Variants in GRM8 observed in about 807,000 individuals in gnomAD.
The protein encoded by GRM8 is metabotropic glutamate receptor 8.
In GRM8, 47 loss-of-function variants were observed where a neutral mutation model predicts 87.2. That is an observed-to-expected ratio of 0.54 (90% CI 0.43 to 0.69). GRM8 has a LOEUF of 0.69. Ranked by LOEUF, GRM8 falls within the 30% of genes least tolerant of loss-of-function variation. GRM8 has a pLI of 0.00. For missense variants in GRM8, 1,019 were observed against 1,139.2 expected (o/e 0.89, Z 1.52); for synonymous variants, 396 against 404.5 (o/e 0.98, Z 0.25).
chr7:126,676,032 C>G (rs1402902161), intron 7 of GRM8, among the ~76,000 whole-genome samples: 1 of 152,166 alleles, frequency 6.6e-6, no homozygotes, highest in Non-Finnish European at 1.5e-5. Flanking sequence ...GATAAATTCA[C>G]TGAAGTCTCA....
intron 6 of GRM8, among the ~76,000 whole-genome samples, chr7:126,841,154 T>C (rs950036326): frequency 5.9e-5 from 9 of 152,194 alleles, no homozygotes; most frequent in Non-Finnish European, 1.3e-4. Flanking sequence ...ACCCCCAAAT[T>C]TTGTGGCTTA....
At chr7:127,053,798 A>AGG (rs33927872) in intron 3 of GRM8, among the ~76,000 whole-genome samples, 50,246 of 103,522 alleles carry the variant, frequency 0.49, 13,670 homozygotes, top group Non-Finnish European at 0.57. Flanking sequence ...AAAAAAAAAA[A>AGG]GGGGGGGGGG....
At chr7:126,913,821 T>C (rs1293632594) in intron 3 of GRM8, among the ~76,000 whole-genome samples, 1 of 152,242 alleles carries the variant, frequency 6.6e-6, no homozygotes, top group East Asian at 1.9e-4. Flanking sequence ...CATGAAACTG[T>C]AAGTTTATCA....
intron 6 of GRM8, among the ~76,000 whole-genome samples, chr7:126,814,790 C>A (rs559717703): frequency 1.5e-4 from 22 of 151,570 alleles, no homozygotes; most frequent in African/African-American, 5.3e-4. Context: ...AGCCACTGCC[C>A]TCAATATTAC....
intron 3 of GRM8, among the ~76,000 whole-genome samples, chr7:127,104,465 G>A (rs536181587): frequency 2.9e-4 from 44 of 152,210 alleles, no homozygotes; most frequent in Middle Eastern, 3.4e-3. Flanking sequence ...TTTTGTTCTA[G>A]ATAAAATCTT....
intron 2 of GRM8, among the ~76,000 whole-genome samples, chr7:127,209,788 G>C (rs1796113664): frequency 3.9e-5 from 6 of 152,198 alleles, no homozygotes; most frequent in South Asian, 4.1e-4. Flanking sequence ...CTGAGACAAA[G>C]CTGTGCTAAA....
chr7:127,074,465 T>G (rs374206071), intron 3 of GRM8, among the ~76,000 whole-genome samples: 1 of 152,158 alleles, frequency 6.6e-6, no homozygotes, highest in African/African-American at 2.4e-5. Flanking sequence ...GGACAGAGCT[T>G]CTGAGATGTC....
chr7:126,532,816 T>C (rs1815065411), intron 9 of GRM8, 136 bp downstream of exon 9: 3 of 250,264 alleles, frequency 1.2e-5, no homozygotes, highest in African/African-American at 5.9e-5. Flanking sequence ...TATATATATA[T>C]GCATGCTAAG....
Position 126,555,407 on chromosome 7 carries a change from C to T in GRM8, c.1495-21520G>A, listed in dbSNP as rs533647831. Among the ~76,000 whole-genome samples the T allele has an allele frequency of 3.3e-5, 5 of 152,310 alleles. No homozygotes were observed. The South Asian group carries it at 1.0e-3, about 32-fold the overall frequency. ...GTGTATGGTTAAATTTATCTTGCGT[C>T]ACTACCAGACAATGCTAAGAACAGC... is the stretch of plus-strand genomic sequence containing the variant. On this transcript the variant is annotated intron_variant, in intron 8 of 10. Transcript: ENST00000339582.
At chr7:126,595,060 T>C (rs1797031322) in intron 8 of GRM8, among the ~76,000 whole-genome samples, 1 of 151,974 alleles carries the variant, frequency 6.6e-6, no homozygotes, top group South Asian at 2.1e-4. Flanking sequence ...TTGGATGAAA[T>C]TAAAAAAAAA....
At chr7:126,806,194 C>T (rs10215969) in intron 6 of GRM8, among the ~76,000 whole-genome samples, 1,933 of 152,246 alleles carry the variant, frequency 0.013, 46 homozygotes, top group African/African-American at 0.044. Context: ...CCGGTGGGTT[C>T]GTGGTCTCGC....
At chr7:127,000,130 T>C (rs1050440596) in intron 3 of GRM8, among the ~76,000 whole-genome samples, 5 of 151,738 alleles carry the variant, frequency 3.3e-5, no homozygotes, top group African/African-American at 7.3e-5. Context: ...TTAAGTGAAA[T>C]AAGCCAGGCA....
chr7:127,010,775 G>A (rs1453711034), intron 3 of GRM8, among the ~76,000 whole-genome samples: 1 of 152,070 alleles, frequency 6.6e-6, no homozygotes, highest in Non-Finnish European at 1.5e-5. Flanking sequence ...ACCCAACACA[G>A]TGAGCCAGAT....
intron 7 of GRM8, among the ~76,000 whole-genome samples, chr7:126,698,396 C>T (rs1809602846): frequency 6.6e-6 from 1 of 152,042 alleles, no homozygotes. Flanking sequence ...AAAAATGATG[C>T]TTATCTTTTA....
chr7:127,202,020 C>A (rs950792473), intron 2 of GRM8, among the ~76,000 whole-genome samples: 7 of 152,080 alleles, frequency 4.6e-5, no homozygotes, highest in Admixed American at 6.6e-5. Flanking sequence ...TTCAGAGAAG[C>A]CAAAATTCAC....
At chr7:127,248,193 G>C (rs1798677587) in intron 1 of GRM8, among the ~76,000 whole-genome samples, 1 of 152,198 alleles carries the variant, frequency 6.6e-6, no homozygotes, top group Non-Finnish European at 1.5e-5. Context: ...GATAAGAAGA[G>C]AGAAAGTGGG....
intron 6 of GRM8, among the ~76,000 whole-genome samples, chr7:126,879,163 C>T (rs1222432042): frequency 9.8e-6 from 1 of 102,148 alleles, no homozygotes; most frequent in African/African-American, 3.9e-5. Flanking sequence ...GAGACTCTGT[C>T]TTGGGGTGGG....
chr7:126,439,712 A>G (rs1801233621), intron 10 of GRM8, among the ~76,000 whole-genome samples: 2 of 152,024 alleles, frequency 1.3e-5, no homozygotes, highest in African/African-American at 2.4e-5. Flanking sequence ...AGGCATTGCT[A>G]TTACAAGAGA....
At chr7:126,723,283 C>T (rs1812628575) in intron 7 of GRM8, among the ~76,000 whole-genome samples, 1 of 151,984 alleles carries the variant, frequency 6.6e-6, no homozygotes, top group African/African-American at 2.4e-5. Context: ...AGACCTCTTA[C>T]ATTTCTTTAT....
Sources: allele counts gnomAD v4.1 joint callset (sites outside exome capture counted in the v4.1 genomes callset), GRCh38; gene constraint gnomAD v4.1.1; transcripts MANE v1.5; gene names NCBI Gene and HGNC (gene_info 2026-07-23, HGNC 2026-07-21).